UGT1A10: variants seen among roughly 807,000 people sequenced by gnomAD.
UGT1A10 encodes the protein UDP-glucuronosyltransferase 1A10.
UGT1A10 carries 49 observed loss-of-function variants against 45.8 expected under a neutral mutation model. The observed-to-expected ratio is 1.07, with a 90% CI of 0.85 to 1.36. The LOEUF is 1.36. Ranked by LOEUF, UGT1A10 falls within the 40% of genes most tolerant of loss-of-function variation. The probability of loss-of-function intolerance (pLI) is 0.00; values close to 1 mark genes in which losing one functional copy is unlikely to be tolerated. For synonymous variants in UGT1A10, 284 were observed against 249.7 expected (o/e 1.14, Z -1.29); for missense variants, 745 against 668.6 (o/e 1.11, Z -1.26).
chr2:233,695,130 C>CTTTTTTTTTT (rs71398796), intron 1 of UGT1A10, among the ~76,000 whole-genome samples: 1 of 138,840 alleles, frequency 7.2e-6, no homozygotes. Context: ...CTTTTCTTTT[C>CTTTTTTTTTT]TTTTTTTTTT....
chr2:233,768,875 C>T (rs543311550), intron 4 of UGT1A10, among the ~76,000 whole-genome samples: 45 of 152,066 alleles, frequency 3.0e-4, no homozygotes, highest in African/African-American at 8.0e-4. Context: ...TGAGCCAGCG[C>T]GTCTGACCTG....
intron 1 of UGT1A10, among the ~76,000 whole-genome samples, chr2:233,728,112 T>C (rs892506440): frequency 1.3e-5 from 2 of 152,198 alleles, no homozygotes; most frequent in African/African-American, 2.4e-5. Flanking sequence ...TAATTCTCCA[T>C]CTTGAAATTT....
chr2:233,660,943 A>T (rs1319833243), intron 1 of UGT1A10, among the ~76,000 whole-genome samples: 2 of 152,018 alleles, frequency 1.3e-5, no homozygotes, highest in Admixed American at 6.6e-5. Context: ...GCTGCCATTA[A>T]ATTCTCCAGC....
At chr2:233,660,793 G>A (rs529384577) in intron 1 of UGT1A10, among the ~76,000 whole-genome samples, 161 of 152,104 alleles carry the variant, frequency 1.1e-3, no homozygotes, top group Non-Finnish European at 2.1e-3. Context: ...AACTGGCTCA[G>A]GCAGATATTC....
At chr2:233,761,033 G>T (rs774774935) in intron 1 of UGT1A10, 1 of 1,614,186 alleles carries the variant, frequency 6.2e-7, no homozygotes, top group South Asian at 1.1e-5. Context: ...GACCTATTGA[G>T]CTCTGCATCT....
chr2:233,704,869 C>G (rs1043405753), intron 1 of UGT1A10, among the ~76,000 whole-genome samples: 1 of 152,166 alleles, frequency 6.6e-6, no homozygotes, highest in Non-Finnish European at 1.5e-5. Flanking sequence ...CACGGTGGCT[C>G]ACTCCTGTAA....
intron 1 of UGT1A10, chr2:233,717,670 G>A (rs541224829): frequency 2.4e-6 from 1 of 419,168 alleles, no homozygotes; most frequent in African/African-American, 2.0e-5. Context: ...CAGCAATCTT[G>A]CGAGCACATG....
intron 1 of UGT1A10, chr2:233,718,839 G>T: frequency 1.2e-6 from 2 of 1,613,658 alleles, no homozygotes; most frequent in South Asian, 1.1e-5. Flanking sequence ...AGGACTCCAG[G>T]TTCCCCTGCC....
chr2:233,682,552 G>T, intron 1 of UGT1A10: 2 of 1,613,932 alleles, frequency 1.2e-6, no homozygotes, highest in Non-Finnish European at 1.7e-6. Context: ...CTTTCAAGGA[G>T]AGAGTATGGA....
At chr2:233,700,394 T>C (rs1004610351) in intron 1 of UGT1A10, among the ~76,000 whole-genome samples, 4 of 152,194 alleles carry the variant, frequency 2.6e-5, no homozygotes, top group African/African-American at 9.7e-5. Context: ...ATGTGGAACA[T>C]TTTGGCAGCA....
intron 1 of UGT1A10, chr2:233,672,164 A>C: frequency 6.2e-7 from 1 of 1,614,232 alleles, no homozygotes; most frequent in Non-Finnish European, 8.5e-7. Context: ...GTGAAGACTT[A>C]TTCAACTTCA....
chr2:233,743,837 G>T (rs371252305), intron 1 of UGT1A10: 2 of 1,367,128 alleles, frequency 1.5e-6, no homozygotes, highest in Non-Finnish European at 2.0e-6. Flanking sequence ...CCACTTGAGC[G>T]CCAGCTTGCG....
At chr2:233,729,963 C>A in intron 1 of UGT1A10, 6 of 1,614,038 alleles carry the variant, frequency 3.7e-6, no homozygotes, top group Non-Finnish European at 5.1e-6. Context: ...TTGGGGGCAT[C>A]AACTGTGCCA....
chr2:233,751,748 T>C (rs1261704160), intron 1 of UGT1A10, among the ~76,000 whole-genome samples: 3 of 152,220 alleles, frequency 2.0e-5, no homozygotes, highest in African/African-American at 7.2e-5. Flanking sequence ...TCTCTCTTGC[T>C]TGCTGCCATG....
intron 1 of UGT1A10, chr2:233,719,760 T>C: frequency 1.2e-6 from 2 of 1,612,360 alleles, no homozygotes; most frequent in Non-Finnish European, 1.7e-6. Context: ...TACTTACAAG[T>C]GCTTCCATAT....
intron 1 of UGT1A10, chr2:233,681,874 C>G: frequency 6.5e-7 from 1 of 1,543,070 alleles, no homozygotes; most frequent in Non-Finnish European, 8.7e-7. Flanking sequence ...ATCTGTACTT[C>G]TTCCACTTAC....
chr2:233,708,034 TAG>T (rs150546189), intron 1 of UGT1A10, among the ~76,000 whole-genome samples: 4,103 of 152,336 alleles, frequency 0.027, 87 homozygotes, highest in African/African-American at 0.046. Context: ...TTGGCAGTTA[TAG>T]ATATTGCAAA....
intron 1 of UGT1A10, among the ~76,000 whole-genome samples, chr2:233,659,263 G>T (rs890335912): frequency 2.0e-5 from 3 of 152,038 alleles, no homozygotes; most frequent in African/African-American, 7.2e-5. Context: ...TACCAACCTC[G>T]CAGGTAGTCT....
chr2:233,741,255 T>A (rs1029860579), intron 1 of UGT1A10, among the ~76,000 whole-genome samples: 2 of 151,880 alleles, frequency 1.3e-5, no homozygotes, highest in Non-Finnish European at 2.9e-5. Context: ...GGTATGCCAC[T>A]CTTTGCTGAC....
Sources: gnomAD v4.1 joint callset for allele counts (sites outside exome capture counted in the v4.1 genomes callset) on GRCh38, gnomAD v4.1.1 for gene constraint, MANE v1.5 for transcripts, NCBI Gene and HGNC (gene_info 2026-07-23, HGNC 2026-07-21) for gene names.